The following INPP5D variants were observed in gnomAD, a reference collection of about 807,000 sequenced individuals.
INPP5D encodes phosphatidylinositol 3,4,5-trisphosphate 5-phosphatase 1.
INPP5D carries 33 observed loss-of-function variants against 122.9 expected under a neutral mutation model. The observed-to-expected ratio is 0.27, with a 90% CI of 0.20 to 0.36. INPP5D has a LOEUF of 0.36. Ranked by LOEUF, INPP5D falls within the 10% of genes least tolerant of loss-of-function variation. The pLI is 1.00. For synonymous variants in INPP5D, 584 were observed against 576.2 expected, an observed-to-expected ratio of 1.01 and a Z score of -0.19; for missense variants, 1,053 against 1,412.7, an observed-to-expected ratio of 0.75 and a Z score of 4.08.
chr2:233,129,438 G>A (rs532553137), intron 4 of INPP5D, among the ~76,000 whole-genome samples: 1 of 152,266 alleles, frequency 6.6e-6, no homozygotes, highest in East Asian at 1.9e-4. Context: ...AGAACAAAAG[G>A]TGCTGGAAGA....
rs1277261350 is a variant in INPP5D, at chr2:233,160,761, G to A, written c.1138-963G>A. On this transcript the variant is annotated intron_variant, in intron 10 of 26. Transcript: ENST00000445964. This position sits in a 1 kb window ranked among gnomAD's most constrained non-coding sequence, Gnocchi z 4.2. ...TAATCCTCCCACCTCAACCTCCTAA[G>A]TTGGGAGGGACTACAGGCATGCACC... Among the ~76,000 whole-genome samples the A allele has an allele frequency of 1.3e-5, 2 of 152,018 alleles. No homozygotes were observed. Among genetic ancestry groups the A allele is most frequent in the Non-Finnish European group, 2.9e-5 (2 of 67,984 alleles).
rs376736959 is a variant in INPP5D at position 233,185,504 on chromosome 2, G to A, written c.2276-339G>A. Among the ~76,000 whole-genome samples the A allele has an allele frequency of 1.6e-4, 25 of 152,144 alleles. No homozygotes were observed. The East Asian group carries it at 1.7e-3, about 11-fold the overall frequency. Reference sequence around the variant, plus strand: ...TCAAAAGGCTGCTATCTTGAGTGGCGTGGGACGAGCTGTCAAGTTTCCTAA... The same window carrying A: ...TCAAAAGGCTGCTATCTTGAGTGGCATGGGACGAGCTGTCAAGTTTCCTAA... On this transcript the variant is annotated intron_variant, in intron 20 of 26. Transcript: ENST00000445964.
chr2:233,169,676 C>G (rs548556978), intron 14 of INPP5D: 3 of 586,074 alleles, frequency 5.1e-6, no homozygotes, highest in Non-Finnish European at 8.7e-6. Context: ...AAGCAGAAAG[C>G]CTCCTCTGGG....
At chr2:233,130,359 C>T (rs1005211954) in intron 4 of INPP5D, 149 bp from the exon 5 acceptor site, 5 of 832,250 alleles carry the variant, frequency 6.0e-6, no homozygotes, top group Admixed American at 2.8e-5. Context: ...CGGGAACCTT[C>T]GTCCAGGTTT....
intron 1 of INPP5D, among the ~76,000 whole-genome samples, chr2:233,067,671 A>C (rs545050035): frequency 6.6e-6 from 1 of 152,298 alleles, no homozygotes; most frequent in South Asian, 2.1e-4. Flanking sequence ...GAGGGTTCCA[A>C]TGTCTCCACT....
rs538987759 is a variant in INPP5D at position 233,166,914 on chromosome 2, G to T, written c.1556-2391G>T. On this transcript the variant is annotated intron_variant, in intron 13 of 26. Coordinates refer to ENST00000445964, the MANE Select transcript of INPP5D (RefSeq NM_001017915.3). ...CAGGAGAATCGCTTGAACCCGAGAG[G>T]TGGAGGTTGCAGTGAGCTGAGATCA... 1.1e-4 allele frequency among the ~76,000 whole-genome samples: 17 copies of T among 152,108 alleles called. No individual in the cohort carries two copies. The South Asian group carries it at 3.3e-3, about 30-fold the overall frequency.
chr2:233,103,239 A>G (rs528092519), intron 2 of INPP5D, among the ~76,000 whole-genome samples: 2 of 152,328 alleles, frequency 1.3e-5, no homozygotes, highest in Non-Finnish European at 2.9e-5. Flanking sequence ...TCTCTGCTGC[A>G]CAAAGAATGA....
chr2:233,130,646 T>C lies in INPP5D; in HGVS notation c.663T>C (p.Tyr221=), dbSNP rs1693295406. The part of the protein sequence containing the change: ...KLTTLLCKEL[Y]GEVIRTLPSL... ...CCACACTGCTCTGCAAGGAGCTCTA[T>C]GGGTAATGGCTGGCCCACGGGGGCG... Residue 221 remains tyrosine (Y), a splice_region_variant and synonymous_variant, in exon 5 of 27, where the codon TAT becomes TAC. Coordinates refer to ENST00000445964, the MANE Select transcript of INPP5D (RefSeq NM_001017915.3). 20 of 1,613,890 alleles carry C rather than the reference T, an allele frequency of 1.2e-5. No homozygotes were observed. The highest frequency in any genetic ancestry group is 1.7e-5 in the Non-Finnish European group (20 of 1,179,836).
intron 21 of INPP5D, among the ~76,000 whole-genome samples, chr2:233,186,671 T>C (rs1694924307): frequency 7.4e-6 from 1 of 135,926 alleles, no homozygotes; most frequent in Non-Finnish European, 1.6e-5. Context: ...TGTTTTTTTT[T>C]CTTTTTCTCT....
intron 2 of INPP5D, among the ~76,000 whole-genome samples, chr2:233,084,532 C>T (rs1453168993): frequency 2.0e-5 from 3 of 152,208 alleles, no homozygotes; most frequent in East Asian, 1.9e-4. Flanking sequence ...GTGGCTGTCA[C>T]GTATCTCCGG....
intron 4 of INPP5D, among the ~76,000 whole-genome samples, chr2:233,130,239 A>G (rs1463924403): frequency 6.6e-6 from 1 of 152,134 alleles, no homozygotes; most frequent in Admixed American, 6.6e-5. Context: ...ACCCCCAGCC[A>G]AAACCACTTC....
chr2:233,117,921 C>T (rs547654877), intron 2 of INPP5D, among the ~76,000 whole-genome samples: 5 of 152,204 alleles, frequency 3.3e-5, no homozygotes, highest in Non-Finnish European at 7.3e-5. Flanking sequence ...GGCTCCAACT[C>T]TTGTCTGTCA....
Position 233,125,833 on chromosome 2 carries a change from A to C in INPP5D, c.438A>C (p.Ser146=). ...GTGAGGCCAAGGAGGTTCCTTTTTC[A>C]AACGAGAATCCCCGAGCGACCGAGA... is the stretch of plus-strand genomic sequence containing the variant. ...SSCEAKEVPF[S]NENPRATETS... is the part of the protein sequence containing the mutation. Residue 146 remains serine, a synonymous_variant, in exon 4 of 27, where the codon TCA becomes TCC. Coordinates refer to ENST00000445964, the MANE Select transcript of INPP5D (RefSeq NM_001017915.3). 2 of 1,613,858 alleles carry C rather than the reference A, an allele frequency of 1.2e-6. No individual in the cohort carries two copies. The highest frequency in any genetic ancestry group is 2.2e-5 in the South Asian group (2 of 91,058).
Position 233,060,490 on chromosome 2 carries a change from C to T in INPP5D, c.12C>T (p.Cys4=), listed in dbSNP as rs768041952. 1 of 1,609,534 alleles carries T rather than the reference C, an allele frequency of 6.2e-7. No individual in the cohort carries two copies. Among genetic ancestry groups the T allele is most frequent in the South Asian group, 1.1e-5 (1 of 90,580 alleles). Residue 4 remains cysteine (C), a synonymous_variant, in exon 1 of 27, where the codon TGC becomes TGT. Coordinates refer to ENST00000445964, the MANE Select transcript of INPP5D (RefSeq NM_001017915.3). MVP[C]WNHGNITRSK... Reference sequence around the variant, plus strand: ...GGCCCACGCCCACCATGGTCCCCTGCTGGAACCATGGCAACATCACCCGCT... The same window carrying T: ...GGCCCACGCCCACCATGGTCCCCTGTTGGAACCATGGCAACATCACCCGCT...
intron 11 of INPP5D, among the ~76,000 whole-genome samples, chr2:233,162,131 G>T (rs1214394617): frequency 6.6e-6 from 1 of 152,080 alleles, no homozygotes; most frequent in Non-Finnish European, 1.5e-5. Flanking sequence ...AGGTGAAGGG[G>T]CTCATGGGAA....
intron 21 of INPP5D, among the ~76,000 whole-genome samples, chr2:233,186,951 C>A (rs1694938101): frequency 6.6e-6 from 1 of 151,652 alleles, no homozygotes; most frequent in African/African-American, 2.4e-5. Flanking sequence ...CAACTCCTGA[C>A]CTCAAGTGAT....
intron 2 of INPP5D, among the ~76,000 whole-genome samples, chr2:233,114,490 T>G (rs1292918977): frequency 6.6e-6 from 1 of 152,176 alleles, no homozygotes; most frequent in African/African-American, 2.4e-5. Flanking sequence ...TTCCAGCCTT[T>G]CCCTCAGATG....
intron 25 of INPP5D, among the ~76,000 whole-genome samples, chr2:233,202,871 C>T (rs776897490): frequency 5.9e-5 from 9 of 152,308 alleles, no homozygotes; most frequent in Non-Finnish European, 8.8e-5. Context: ...CAGGAGCTTC[C>T]CCTGCCCATG....
rs868027905 is a variant in INPP5D, at chr2:233,189,693, A to G, written c.2359-157A>G. Among the ~76,000 whole-genome samples the G allele has an allele frequency of 2.6e-5, 4 of 152,088 alleles. No individual in the cohort carries two copies. The highest frequency in any genetic ancestry group is 7.2e-5 in the African/African-American group (3 of 41,396). On this transcript the variant is annotated intron_variant, in intron 21 of 26. Transcript: ENST00000445964. This position sits in a 1 kb window ranked among gnomAD's most constrained non-coding sequence, Gnocchi z 5.6. ...CACCTTGCTGGACAGGGTGTATGTGAAAGCTATACCCCACCTGCTCTCTTG... is the reference window on the plus strand; with the variant it reads ...CACCTTGCTGGACAGGGTGTATGTGGAAGCTATACCCCACCTGCTCTCTTG...
Sources: gnomAD v4.1 joint callset for allele counts (sites outside exome capture counted in the v4.1 genomes callset) on GRCh38, gnomAD v4.1.1 for gene constraint, Gnocchi (gnomAD v3.1) non-coding constraint, MANE v1.5 for transcripts, NCBI Gene and HGNC (gene_info 2026-07-23, HGNC 2026-07-21) for gene names.